The following GABRB1 variants were observed in gnomAD, a reference collection of about 807,000 sequenced individuals.
GABRB1 encodes the protein gamma-aminobutyric acid receptor subunit beta-1.
GABRB1 carries 17 observed loss-of-function variants against 51.6 expected under a neutral mutation model. The observed-to-expected ratio is 0.33, with a 90% CI of 0.23 to 0.49. The LOEUF is 0.49. Among genes scored for constraint, GABRB1 ranks in the 20% least tolerant of loss-of-function variants. The pLI, the probability that GABRB1 is intolerant of heterozygous loss-of-function variation, is 0.99. For missense variants in GABRB1, 410 were observed against 600.6 expected (o/e 0.68, Z 3.32); for synonymous variants, 247 against 218.9 (o/e 1.13, Z -1.14).
chr4:47,401,943 T>C (rs549092045), intron 5 of GABRB1, among the ~76,000 whole-genome samples: 33 of 152,314 alleles, frequency 2.2e-4, no homozygotes, highest in African/African-American at 7.2e-4. Flanking sequence ...AGGAGACATT[T>C]AGAATCAGTC....
chr4:47,381,326 A>G (rs932650253), intron 5 of GABRB1, among the ~76,000 whole-genome samples: 1 of 152,054 alleles, frequency 6.6e-6, no homozygotes, highest in African/African-American at 2.4e-5. Flanking sequence ...GTGGGTGTCA[A>G]CTCAGCTCCC....
intron 5 of GABRB1, among the ~76,000 whole-genome samples, chr4:47,396,043 G>A (rs11945405): frequency 0.36 from 55,106 of 151,882 alleles, 10,915 homozygotes; most frequent in African/African-American, 0.52. Flanking sequence ...CTCTTCTGTC[G>A]GAGGATGTAT....
At chr4:47,260,576 T>C (rs1722390042) in intron 4 of GABRB1, among the ~76,000 whole-genome samples, 1 of 152,188 alleles carries the variant, frequency 6.6e-6, no homozygotes, top group Non-Finnish European at 1.5e-5. Context: ...TATTTCTCCT[T>C]CACTTGTGAA....
intron 1 of GABRB1, among the ~76,000 whole-genome samples, chr4:47,026,453 A>G (rs1725098755): frequency 6.6e-6 from 1 of 152,098 alleles, no homozygotes; most frequent in Admixed American, 6.6e-5. Context: ...ACAACAGTAA[A>G]CAGTAAAATC....
chr4:47,400,275 T>C (rs192972397), intron 5 of GABRB1, among the ~76,000 whole-genome samples: 21 of 152,372 alleles, frequency 1.4e-4, no homozygotes, highest in Admixed American at 3.3e-4. Flanking sequence ...TCCTATATTT[T>C]TACCAAGAGT....
intron 1 of GABRB1, among the ~76,000 whole-genome samples, chr4:47,025,450 G>A (rs1232098241): frequency 4.6e-5 from 7 of 151,776 alleles, no homozygotes; most frequent in Non-Finnish European, 1.5e-5. Flanking sequence ...AGGCGGTATT[G>A]TATTGTGATT....
At chr4:47,239,407 T>C (rs1721442149) in intron 4 of GABRB1, among the ~76,000 whole-genome samples, 1 of 152,216 alleles carries the variant, frequency 6.6e-6, no homozygotes, top group African/African-American at 2.4e-5. Context: ...TTGGTAATTA[T>C]AAATAAATTT....
intron 4 of GABRB1, among the ~76,000 whole-genome samples, chr4:47,271,434 C>A (rs927549271): frequency 1.3e-5 from 2 of 152,146 alleles, no homozygotes; most frequent in Non-Finnish European, 2.9e-5. Context: ...ATTAACCTAC[C>A]TCATCTGCGC....
intron 4 of GABRB1, among the ~76,000 whole-genome samples, chr4:47,169,413 T>C (rs933796086): frequency 2.0e-5 from 3 of 152,180 alleles, no homozygotes. Flanking sequence ...CATATTCTTA[T>C]ACCTTCCTTT....
chr4:47,349,547 T>C (rs1726231610), intron 5 of GABRB1, among the ~76,000 whole-genome samples: 1 of 152,202 alleles, frequency 6.6e-6, no homozygotes, highest in Non-Finnish European at 1.5e-5. Context: ...AGTAGCCTGA[T>C]GAAGTATCAT....
At chr4:46,996,605 A>G (rs576175763) in intron 1 of GABRB1, among the ~76,000 whole-genome samples, 3 of 152,306 alleles carry the variant, frequency 2.0e-5, no homozygotes, top group South Asian at 4.1e-4. Flanking sequence ...TTTAATATAA[A>G]AGATAACTCA....
intron 1 of GABRB1, among the ~76,000 whole-genome samples, chr4:46,997,755 C>T (rs1412281333): frequency 2.6e-5 from 4 of 151,976 alleles, no homozygotes. Flanking sequence ...TATATATACA[C>T]ACACATATAT....
chr4:47,027,697 A>G, upstream of GABRB1, among the ~76,000 whole-genome samples: 1 of 151,638 alleles, frequency 6.6e-6, no homozygotes, highest in Non-Finnish European at 1.5e-5. Flanking sequence ...AGATTTTTAG[A>G]TTGTATTAAA....
chr4:47,180,536 T>G (rs1283182763), intron 4 of GABRB1, among the ~76,000 whole-genome samples: 1 of 152,076 alleles, frequency 6.6e-6, no homozygotes, highest in African/African-American at 2.4e-5. Context: ...CTCCAAAGAC[T>G]TAGTTATTTG....
intron 3 of GABRB1, among the ~76,000 whole-genome samples, chr4:47,082,708 G>T (rs1453739442): frequency 6.6e-6 from 1 of 152,004 alleles, no homozygotes; most frequent in Non-Finnish European, 1.5e-5. Context: ...GGATACTGGG[G>T]TATACTGTTT....
intron 4 of GABRB1, among the ~76,000 whole-genome samples, chr4:47,318,407 C>G (rs997453722): frequency 2.0e-5 from 3 of 151,972 alleles, no homozygotes; most frequent in African/African-American, 7.2e-5. Flanking sequence ...ATATCTTCCT[C>G]TCTTGCTGCA....
intron 4 of GABRB1, 104 bp from the exon 5 acceptor site, chr4:47,320,023 C>T (rs1725019396): frequency 5.1e-6 from 4 of 782,802 alleles, no homozygotes; most frequent in Admixed American, 3.8e-5. Flanking sequence ...AATTTTGATG[C>T]CTTGTTTCTG....
intron 4 of GABRB1, among the ~76,000 whole-genome samples, chr4:47,258,214 A>G (rs930845533): frequency 6.6e-6 from 1 of 152,164 alleles, no homozygotes; most frequent in African/African-American, 2.4e-5. Flanking sequence ...TAAAGTACAT[A>G]AAATCATCAG....
chr4:47,407,106 A>T (rs534665502), intron 8 of GABRB1, among the ~76,000 whole-genome samples, 180 bp downstream of exon 8: 9 of 152,356 alleles, frequency 5.9e-5, no homozygotes, highest in African/African-American at 2.2e-4. Context: ...TGAGGGTTAT[A>T]CTGATTAGTA....
Sources: allele counts gnomAD v4.1 joint callset (sites outside exome capture counted in the v4.1 genomes callset), GRCh38; gene constraint gnomAD v4.1.1; transcripts MANE v1.5; gene names NCBI Gene and HGNC (gene_info 2026-07-23, HGNC 2026-07-21).